The following CPAMD8 variants were observed in gnomAD, a reference collection of about 807,000 sequenced individuals.
The protein encoded by CPAMD8 is C3 and PZP like alpha-2-macroglobulin domain containing 8.
CPAMD8 carries 146 observed loss-of-function variants against 224.7 expected under a neutral mutation model. The ratio of observed to expected loss-of-function variants is 0.65; its 90% confidence interval spans 0.57 to 0.75. The LOEUF is 0.75. Ranked by LOEUF, CPAMD8 falls within the 30% of genes least tolerant of loss-of-function variation. The pLI, the probability that CPAMD8 is intolerant of heterozygous loss-of-function variation, is 0.00. For missense variants in CPAMD8, 2,301 were observed against 2,537.5 expected (o/e 0.91, Z 2.00); for synonymous variants, 966 against 1,044.6 (o/e 0.92, Z 1.45).
chr19:16,984,331 AGAG>A (rs1420686125), intron 13 of CPAMD8, among the ~76,000 whole-genome samples: 52 of 106,716 alleles, frequency 4.9e-4, no homozygotes, highest in East Asian at 4.8e-3. Flanking sequence ...AAAAAAAAAA[AGAG>A]AGAGAGAGAG....
At chr19:16,909,298 A>G (rs2052636988) in intron 29 of CPAMD8, among the ~76,000 whole-genome samples, 5 of 152,080 alleles carry the variant, frequency 3.3e-5, no homozygotes, top group Admixed American at 3.3e-4. Context: ...TAATCCCAGC[A>G]CTTTGTGAGG....
chr19:16,924,826 C>A (rs2053300612), intron 26 of CPAMD8, among the ~76,000 whole-genome samples: 1 of 152,214 alleles, frequency 6.6e-6, no homozygotes, highest in Admixed American at 6.5e-5. Flanking sequence ...CTCAAGTAAT[C>A]CTCCTGCCTC....
chr19:16,992,326 T>A (rs2055983140), intron 12 of CPAMD8, among the ~76,000 whole-genome samples: 1 of 152,184 alleles, frequency 6.6e-6, no homozygotes, highest in Non-Finnish European at 1.5e-5. Context: ...TGGCAGCTCA[T>A]GGCCTATAAT....
At chr19:16,943,196 A>T (rs2053963195) in intron 22 of CPAMD8, among the ~76,000 whole-genome samples, 1 of 149,530 alleles carries the variant, frequency 6.7e-6, no homozygotes, top group African/African-American at 2.5e-5. Context: ...TTGTATTTTT[A>T]GTAGGGACAG....
chr19:16,957,784 T>C (rs2054518696), intron 19 of CPAMD8, 69 bp downstream of exon 19: 1 of 1,477,366 alleles, frequency 6.8e-7, no homozygotes, highest in African/African-American at 1.4e-5. Flanking sequence ...CACCGGAGGC[T>C]CTCTGGACCC....
chr19:16,985,037 G>A (rs529306905), intron 13 of CPAMD8, among the ~76,000 whole-genome samples: 1 of 152,292 alleles, frequency 6.6e-6, no homozygotes, highest in Admixed American at 6.5e-5. Flanking sequence ...ATATAATTTG[G>A]TGAATGTAAT....
chr19:16,968,837 C>G (rs1027734845), intron 18 of CPAMD8, among the ~76,000 whole-genome samples: 1 of 152,022 alleles, frequency 6.6e-6, no homozygotes, highest in African/African-American at 2.4e-5. Context: ...CAAGGTTTTG[C>G]CATGTGCCCA....
At position 16,932,555 on chromosome 19, in the gene CPAMD8, GA is replaced by G. The variant is rs545659996; in HGVS notation, c.2846-3316del. 5.1e-4 allele frequency among the ~76,000 whole-genome samples: 75 copies of G among 148,334 alleles called. 1 individual carries two copies. Among genetic ancestry groups the G allele is most frequent in the African/African-American group, 1.9e-3 (70 of 37,808 alleles). On this transcript the variant is annotated intron_variant, in intron 23 of 41. Transcript: ENST00000443236. ...TCTGAAACTGAAGAATTCATTAAAT[GA>G]AATACAAAATAGGAAGCTTCAATAA... is the stretch of plus-strand genomic sequence containing the variant.
intron 23 of CPAMD8, among the ~76,000 whole-genome samples, chr19:16,933,253 A>G (rs940682681): frequency 2.8e-5 from 4 of 142,778 alleles, no homozygotes; most frequent in South Asian, 4.4e-4. Context: ...AATTTTGAGA[A>G]AAAAAAAACA....
chr19:17,007,565 A>G (rs1417430032), intron 7 of CPAMD8, among the ~76,000 whole-genome samples: 1 of 152,134 alleles, frequency 6.6e-6, no homozygotes, highest in Admixed American at 6.6e-5. Flanking sequence ...GACCCAAGGC[A>G]GGAGACAGAA....
At chr19:16,990,361 C>G (rs989755275) in intron 12 of CPAMD8, among the ~76,000 whole-genome samples, 1 of 151,824 alleles carries the variant, frequency 6.6e-6, no homozygotes, top group Non-Finnish European at 1.5e-5. Flanking sequence ...GTGTGAGGAT[C>G]ACTTGGGCCC....
At chr19:16,953,151 G>A (rs1476981927) in intron 19 of CPAMD8, among the ~76,000 whole-genome samples, 1 of 152,022 alleles carries the variant, frequency 6.6e-6, no homozygotes, top group Admixed American at 6.6e-5. Context: ...GCTAGAAAAA[G>A]CAAACATCCA....
At chr19:17,014,853 ATAGT>A (rs1343217544) in intron 3 of CPAMD8, among the ~76,000 whole-genome samples, 1 of 152,220 alleles carries the variant, frequency 6.6e-6, no homozygotes, top group Non-Finnish European at 1.5e-5. Context: ...GTATTTGATG[ATAGT>A]TACCCTCTCA....
chr19:17,005,740 G>A (rs1016566984), intron 7 of CPAMD8, among the ~76,000 whole-genome samples: 2 of 152,048 alleles, frequency 1.3e-5, no homozygotes, highest in East Asian at 1.9e-4. Flanking sequence ...CGGCGCCCAC[G>A]GCTTCTCTCA....
In CPAMD8 at chr19:16,921,928, C is replaced by A; in HGVS notation, c.3606G>T (p.Glu1202Asp). 1.3e-6 allele frequency: 2 copies of A among 1,546,600 alleles called. No individual in the cohort carries two copies. Among genetic ancestry groups the A allele is most frequent in the Non-Finnish European group, 1.7e-6 (2 of 1,146,704 alleles). Residue 1202 changes from glutamate to aspartate, a missense_variant, in exon 27 of 42, where the codon GAG becomes GAT. By Grantham distance (45) the Glu-to-Asp change is conservative. Around this residue, in one of 4 missense-constraint regions of CPAMD8, gnomAD observed 1,709 missense variants for 1,753.2 expected, o/e 0.97. Transcript: ENST00000443236. ...ACCACATGCTCCCCGATGCGTCCCG[C>A]TCCCCAAACGCGCTGTAGGAGCCAT... ...RQDGSYSAFG[E>D]RDASGSMWLT...
intron 29 of CPAMD8, among the ~76,000 whole-genome samples, chr19:16,909,589 T>C (rs1299377013): frequency 6.6e-6 from 1 of 150,850 alleles, no homozygotes; most frequent in East Asian, 2.0e-4. Context: ...CTACTAAAAA[T>C]ACAAAAATAG....
chr19:17,010,850 C>T (rs1333172874), intron 5 of CPAMD8, among the ~76,000 whole-genome samples: 1 of 151,810 alleles, frequency 6.6e-6, no homozygotes, highest in Non-Finnish European at 1.5e-5. Context: ...TGGTGAAACC[C>T]CATCTCTACT....
chr19:16,971,011 G>A lies in CPAMD8; in HGVS notation c.2093C>T (p.Thr698Ile). 2.5e-6 allele frequency: 4 copies of A among 1,610,014 alleles called. No individual in the cohort carries two copies. The highest frequency in any genetic ancestry group is 3.4e-6 in the Non-Finnish European group (4 of 1,178,132). ...CCGGTGGTTCAGGCTCACTCGGTCG[G>A]TCATCACCACCAGTCCCGTTTCCTA... ...AFTETGLVVM[T>I]DRVSLNHRQD... The change falls in exon 18 of 42, where the codon ACC becomes ATC. Residue 698 changes from threonine to isoleucine, a missense_variant. Thr to Ile is a moderately conservative substitution (Grantham distance 89). Around this residue, in one of 4 missense-constraint regions of CPAMD8, gnomAD observed 1,709 missense variants for 1,753.2 expected, o/e 0.97. Coordinates refer to ENST00000443236, the MANE Select transcript of CPAMD8 (RefSeq NM_015692.5).
chr19:16,909,113 C>T (rs562482875), intron 29 of CPAMD8, among the ~76,000 whole-genome samples: 2 of 152,236 alleles, frequency 1.3e-5, no homozygotes, highest in East Asian at 3.9e-4. Context: ...AACGGTGGCC[C>T]ACCAAAAAGA....
Sources: allele counts gnomAD v4.1 joint callset (sites outside exome capture counted in the v4.1 genomes callset), GRCh38; gene constraint gnomAD v4.1.1; regional missense constraint gnomAD v4.1.1; transcripts MANE v1.5; gene names NCBI Gene and HGNC (gene_info 2026-07-23, HGNC 2026-07-21).